The following CNTN1 variants were observed in gnomAD, a reference collection of about 807,000 sequenced individuals.
CNTN1 encodes contactin 1.
A neutral mutation model predicts 126.4 loss-of-function variants in CNTN1; 38 were observed. The ratio of observed to expected loss-of-function variants is 0.30; its 90% CI spans 0.23 to 0.39. The LOEUF is 0.39. Ranked by LOEUF, CNTN1 falls within the 10% of genes least tolerant of loss-of-function variation. The pLI is 1.00. For missense variants in CNTN1, 1,009 were observed against 1,248.4 expected (o/e 0.81, Z 2.89); for synonymous variants, 413 against 422.6 (o/e 0.98, Z 0.28).
At chr12:40,777,593 T>C (rs976364911) in intron 1 of CNTN1, among the ~76,000 whole-genome samples, 27 of 151,902 alleles carry the variant, frequency 1.8e-4, no homozygotes, top group African/African-American at 6.5e-4. Flanking sequence ...AAAGTCACAA[T>C]GTAAATTTTT....
At chr12:41,021,955 T>C (rs1948923720) in intron 20 of CNTN1, among the ~76,000 whole-genome samples, 1 of 152,052 alleles carries the variant, frequency 6.6e-6, no homozygotes, top group African/African-American at 2.4e-5. Flanking sequence ...TCTTTTATAT[T>C]ATTTATTTCT....
intron 23 of CNTN1, among the ~76,000 whole-genome samples, chr12:41,051,146 T>TG (rs1491198386): frequency 9.6e-6 from 1 of 103,850 alleles, no homozygotes; most frequent in African/African-American, 5.2e-5. Context: ...CTTTGTGATC[T>TG]TTTTTTTTTT....
At chr12:40,748,513 G>A (rs1938271879) in intron 1 of CNTN1, among the ~76,000 whole-genome samples, 1 of 152,094 alleles carries the variant, frequency 6.6e-6, no homozygotes, top group Admixed American at 6.6e-5. Flanking sequence ...CACACTTATT[G>A]TACATATTCT....
At chr12:40,917,750 G>T (rs924426656) in intron 3 of CNTN1, among the ~76,000 whole-genome samples, 3 of 152,120 alleles carry the variant, frequency 2.0e-5, no homozygotes, top group Non-Finnish European at 4.4e-5. Flanking sequence ...CGCAGTGGTG[G>T]CATGTGAATG....
At chr12:41,069,876 C>T (rs1290941773) in intron 23 of CNTN1, 83 bp from the exon 24 acceptor site, 2 of 1,088,064 alleles carry the variant, frequency 1.8e-6, no homozygotes, top group Non-Finnish European at 2.8e-6. Context: ...GCTATGCAAT[C>T]TCGCCTTAGC....
chr12:40,810,440 G>A (rs867061237), intron 1 of CNTN1, among the ~76,000 whole-genome samples: 5 of 151,990 alleles, frequency 3.3e-5, no homozygotes, highest in Non-Finnish European at 7.4e-5. Context: ...GTATAATATG[G>A]CATTATTAAC....
intron 23 of CNTN1, among the ~76,000 whole-genome samples, chr12:41,063,074 G>A (rs1392965793): frequency 1.3e-5 from 2 of 152,152 alleles, no homozygotes; most frequent in Non-Finnish European, 2.9e-5. Flanking sequence ...AGGCCTTTCT[G>A]TACAAATAAA....
chr12:40,985,861 CTGTGTG>C (rs144935175), intron 16 of CNTN1, among the ~76,000 whole-genome samples: 3 of 150,204 alleles, frequency 2.0e-5, no homozygotes, highest in African/African-American at 7.3e-5. Flanking sequence ...GTGTGTGTGT[CTGTGTG>C]TGTGTGTGTG....
chr12:40,722,873 A>G (rs539254241), intron 1 of CNTN1, among the ~76,000 whole-genome samples: 1 of 152,264 alleles, frequency 6.6e-6, no homozygotes, highest in South Asian at 2.1e-4. Flanking sequence ...TAAAATTTTC[A>G]TGAGAGCCCT....
At chr12:41,010,436 G>A (rs55994689) in intron 17 of CNTN1, among the ~76,000 whole-genome samples, 9,358 of 152,218 alleles carry the variant, frequency 0.061, 506 homozygotes, top group Admixed American at 0.16. Context: ...GGCTTTGTAT[G>A]TTTGCAGAGC....
chr12:41,047,602 G>A (rs1949573165), intron 23 of CNTN1, among the ~76,000 whole-genome samples: 2 of 151,796 alleles, frequency 1.3e-5, no homozygotes, highest in South Asian at 4.2e-4. Flanking sequence ...TCTTGTCCAA[G>A]TTTTCTACTA....
intron 1 of CNTN1, among the ~76,000 whole-genome samples, chr12:40,836,587 T>C (rs1482553594): frequency 6.6e-6 from 1 of 152,150 alleles, no homozygotes; most frequent in Non-Finnish European, 1.5e-5. Flanking sequence ...AATAAGTGCA[T>C]ATAAATTGGG....
chr12:40,881,679 G>T (rs540030464), intron 1 of CNTN1, among the ~76,000 whole-genome samples: 7 of 151,938 alleles, frequency 4.6e-5, no homozygotes, highest in Admixed American at 1.3e-4. Context: ...TAAGGGCTTT[G>T]CAGCTATTAG....
rs61187240 is a variant in CNTN1 at position 40,872,212 on chromosome 12, TTGTGTGTGTGTGTG to T, written c.-76-36109_-76-36096del. Among the ~76,000 whole-genome samples the T allele has an allele frequency of 1.5e-3, 175 of 113,596 alleles. 1 individual carries two copies. Among genetic ancestry groups the T allele is most frequent in the African/African-American group, 5.2e-3 (143 of 27,706 alleles). The allele number at this position is 113,596 out of a possible 152,430, so 74.5% of individuals were successfully genotyped here. ...CGGTAGGGTTTTTCCGTTGCTTTGT[TTGTGTGTGTGTGTG>T]TGTGTGTGTGTGTGTGTGTGTGTGT... On this transcript the variant is annotated intron_variant, in intron 1 of 23. Coordinates refer to ENST00000551295, the MANE Select transcript of CNTN1 (RefSeq NM_001843.4).
intron 17 of CNTN1, among the ~76,000 whole-genome samples, chr12:40,993,516 A>T (rs1948141211): frequency 6.6e-6 from 1 of 150,480 alleles, no homozygotes; most frequent in Non-Finnish European, 1.5e-5. Context: ...TTAAGAATTA[A>T]TATAGAGGAA....
chr12:40,910,325 T>G (rs1252511903), intron 3 of CNTN1, among the ~76,000 whole-genome samples: 1 of 152,194 alleles, frequency 6.6e-6, no homozygotes, highest in Non-Finnish European at 1.5e-5. Flanking sequence ...TTGTAGCAAA[T>G]GGAAAATATT....
chr12:40,886,774 C>A (rs1028979454), intron 1 of CNTN1, among the ~76,000 whole-genome samples: 3 of 152,120 alleles, frequency 2.0e-5, no homozygotes, highest in African/African-American at 7.2e-5. Context: ...CCAGTTTCAG[C>A]TTTCTACATA....
intron 1 of CNTN1, among the ~76,000 whole-genome samples, chr12:40,769,892 G>A (rs1389244767): frequency 6.6e-6 from 1 of 152,036 alleles, no homozygotes; most frequent in African/African-American, 2.4e-5. Context: ...TTAGTTATGT[G>A]TAAATATCTC....
At chr12:40,707,227 C>CTTTTCTTTTTT (rs1941782316) in intron 1 of CNTN1, among the ~76,000 whole-genome samples, 2 of 109,166 alleles carry the variant, frequency 1.8e-5, no homozygotes, top group African/African-American at 7.7e-5. Context: ...TTTTCTTTTT[C>CTTTTCTTTTTT]TTTTTTTTTT....
Sources: allele counts gnomAD v4.1 joint callset (sites outside exome capture counted in the v4.1 genomes callset), GRCh38; gene constraint gnomAD v4.1.1; transcripts MANE v1.5; gene names NCBI Gene and HGNC (gene_info 2026-07-23, HGNC 2026-07-21).